The following PCDHGB2 variants were observed in gnomAD, a reference collection of about 807,000 sequenced individuals.
PCDHGB2 encodes protocadherin gamma subfamily B, 2.
PCDHGB2 carries 55 observed loss-of-function variants against 59.3 expected under a neutral mutation model. The ratio of observed to expected loss-of-function variants is 0.93; its 90% CI spans 0.75 to 1.16. The LOEUF is 1.16. Ranked by LOEUF, PCDHGB2 falls within the 50% of genes most tolerant of loss-of-function variation. PCDHGB2 has a pLI of 0.00. For synonymous variants in PCDHGB2, 516 were observed against 512.0 expected (o/e 1.01, Z -0.11); for missense variants, 1,228 against 1,198.5 (o/e 1.02, Z -0.36).
chr5:141,450,569 T>G (rs1325535745), intron 1 of PCDHGB2, among the ~76,000 whole-genome samples: 1 of 149,800 alleles, frequency 6.7e-6, no homozygotes, highest in African/African-American at 2.5e-5. Flanking sequence ...TCACTGCAAC[T>G]TCTGCCTCCC....
intron 1 of PCDHGB2, among the ~76,000 whole-genome samples, chr5:141,448,274 T>G (rs2098579713): frequency 6.6e-6 from 1 of 152,196 alleles, no homozygotes; most frequent in South Asian, 2.1e-4. Context: ...TATATACTGT[T>G]GTGCAACTTG....
At chr5:141,409,592 A>G in intron 1 of PCDHGB2, 1 of 1,613,898 alleles carries the variant, frequency 6.2e-7, no homozygotes, top group African/African-American at 1.3e-5. Flanking sequence ...CGTGGCCGAG[A>G]ACAACCCGCC....
rs189987196 is a variant in PCDHGB2, at chr5:141,420,754, C to T, written c.2421+58198C>T. Among the ~76,000 whole-genome samples, 291 of 152,292 alleles carry T rather than the reference C, an allele frequency of 1.9e-3. 2 individuals carry two copies. The highest frequency in any genetic ancestry group is 3.6e-3 in the Non-Finnish European group (248 of 68,020). On this transcript the variant is annotated intron_variant, in intron 1 of 3. Coordinates refer to ENST00000522605, the MANE Select transcript of PCDHGB2 (RefSeq NM_018923.3). ...TAAAATCAATTGGAACCAACTACAA[C>T]CTACAAGTTTTCAGCTCCAGTAATA... is the stretch of plus-strand genomic sequence containing the variant.
intron 1 of PCDHGB2, chr5:141,418,385 G>A (rs759618059): frequency 8.7e-6 from 14 of 1,613,930 alleles, no homozygotes; most frequent in Admixed American, 1.7e-5. Flanking sequence ...AAGTCCTAAC[G>A]AGTATTTCTC....
Position 141,486,904 on chromosome 5 carries a change from C to G in PCDHGB2, c.2422-7903C>G. On this transcript the variant is annotated intron_variant, in intron 1 of 3. Transcript: ENST00000522605. This position sits in a 1 kb window ranked among gnomAD's most constrained non-coding sequence, Gnocchi z 5.0. The stretch of plus-strand genomic sequence containing the variant: ...GGGCCCGGCCTGGTTCCTTATGTCC[C>G]CAAGCACTGCCTCCATCAGTTGGTG... 6.2e-7 allele frequency: 1 copy of G among 1,614,226 alleles called. No individual in the cohort carries two copies. The highest frequency in any genetic ancestry group is 1.1e-5 in the South Asian group (1 of 91,080).
chr5:141,421,409 C>T, intron 1 of PCDHGB2: 1 of 1,614,026 alleles, frequency 6.2e-7, no homozygotes, highest in Non-Finnish European at 8.5e-7. Context: ...CGGGAGCTGG[C>T]GAAGCGCGGA....
intron 1 of PCDHGB2, chr5:141,383,948 C>T (rs199642192): frequency 3.1e-6 from 5 of 1,613,482 alleles, no homozygotes; most frequent in East Asian, 4.5e-5. Context: ...GTGACTATGA[C>T]GTCTTTAAGT....
intron 1 of PCDHGB2, chr5:141,430,735 A>T (rs1255723102): frequency 6.7e-7 from 1 of 1,497,964 alleles, no homozygotes; most frequent in Non-Finnish European, 8.9e-7. Context: ...GGCAGAATTG[A>T]AAATAATTCT....
Position 141,365,477 on chromosome 5 carries a change from G to C in PCDHGB2, c.2421+2921G>C, listed in dbSNP as rs1313956190. ...TGATTCTGGAGAAAATGGTGAGATT[G>C]CATGCTCTATTCCTAGGAATTTGCC... On this transcript the variant is annotated intron_variant, in intron 1 of 3. Transcript: ENST00000522605. 3.7e-6 allele frequency: 6 copies of C among 1,613,876 alleles called. No individual in the cohort carries two copies. The African/African-American group carries it at 8.0e-5, about 22-fold the overall frequency.
chr5:141,423,159 G>A lies in PCDHGB2; in HGVS notation c.2421+60603G>A, dbSNP rs750186629. On this transcript the variant is annotated intron_variant, in intron 1 of 3. Transcript: ENST00000522605. Reference sequence around the variant, plus strand: ...GAGACGCGCTCAAGCAGAGCCTCGTGGTGGCCGTCCAGGACCACGGCCAGC... The same window carrying A: ...GAGACGCGCTCAAGCAGAGCCTCGTAGTGGCCGTCCAGGACCACGGCCAGC... The A allele has an allele frequency of 1.9e-5, 31 of 1,610,746 alleles. 1 individual carries two copies. The highest frequency in any genetic ancestry group is 3.3e-4 in the Middle Eastern group (2 of 6,080).
intron 1 of PCDHGB2, among the ~76,000 whole-genome samples, chr5:141,369,773 T>G: frequency 6.6e-6 from 1 of 152,236 alleles, no homozygotes; most frequent in African/African-American, 2.4e-5. Flanking sequence ...AGCTGATATT[T>G]CAAGCCTCTT....
chr5:141,446,353 T>C (rs1278613929), intron 1 of PCDHGB2, among the ~76,000 whole-genome samples: 2 of 152,176 alleles, frequency 1.3e-5, no homozygotes, highest in Non-Finnish European at 2.9e-5. Flanking sequence ...AAGCTACCAT[T>C]TGATGAGAAT....
At chr5:141,392,816 G>C (rs1442012424) in intron 1 of PCDHGB2, 3 of 1,587,594 alleles carry the variant, frequency 1.9e-6, no homozygotes, top group Admixed American at 3.6e-5. Context: ...AAACAACAAT[G>C]GCCGCTCCAC....
intron 1 of PCDHGB2, chr5:141,399,845 T>G: frequency 6.2e-7 from 1 of 1,612,982 alleles, no homozygotes; most frequent in Non-Finnish European, 8.5e-7. Context: ...CTCTTCGATA[T>G]GGTGCCGCGC....
At chr5:141,412,935 G>T in intron 1 of PCDHGB2, 1 of 453,864 alleles carries the variant, frequency 2.2e-6, no homozygotes, top group East Asian at 3.4e-5. Flanking sequence ...AACTTCTTAG[G>T]ACTCTGAGCG....
chr5:141,406,288 G>A (rs72790038), intron 1 of PCDHGB2, among the ~76,000 whole-genome samples: 9,719 of 151,928 alleles, frequency 0.064, 366 homozygotes, highest in African/African-American at 0.1. Context: ...CCAAAGCACT[G>A]GGTGAGGTGT....
At chr5:141,392,851 T>C in intron 1 of PCDHGB2, 1 of 1,611,148 alleles carries the variant, frequency 6.2e-7, no homozygotes, top group Non-Finnish European at 8.5e-7. Context: ...CGCGGCGAGC[T>C]GATCCTGCTG....
intron 1 of PCDHGB2, chr5:141,395,290 T>A: frequency 6.5e-7 from 1 of 1,529,840 alleles, no homozygotes; most frequent in Non-Finnish European, 8.8e-7. Flanking sequence ...TTATTTGGCA[T>A]AAATTATGTT....
rs934366037 is a variant in PCDHGB2, at chr5:141,408,906, C to T, written c.2421+46350C>T. On this transcript the variant is annotated intron_variant, in intron 1 of 3. Transcript: ENST00000522605. Reference sequence around the variant, plus strand: ...CACATAGAAATTTCTGTCAAGGATACCAATGATAACCCCCCGGTTTTCAGC... The same window carrying T: ...CACATAGAAATTTCTGTCAAGGATATCAATGATAACCCCCCGGTTTTCAGC... 2.5e-6 allele frequency: 4 copies of T among 1,613,136 alleles called. No homozygotes were observed. The African/African-American group carries it at 4.0e-5, about 16-fold the overall frequency.
Sources: allele counts gnomAD v4.1 joint callset (sites outside exome capture counted in the v4.1 genomes callset), GRCh38; gene constraint gnomAD v4.1.1; non-coding constraint Gnocchi (gnomAD v3.1); transcripts MANE v1.5; gene names NCBI Gene and HGNC (gene_info 2026-07-23, HGNC 2026-07-21).